The following URB1 variants were observed in gnomAD, a reference collection of about 807,000 sequenced individuals.
URB1 encodes the protein URB1 ribosome biogenesis factor.
URB1 carries 197 observed loss-of-function variants against 242.3 expected under a neutral mutation model. The observed-to-expected ratio is 0.81, with a 90% CI of 0.72 to 0.91. The LOEUF (loss-of-function observed/expected upper bound fraction) is 0.91. Among genes scored for constraint, URB1 ranks in the 40% least tolerant of loss-of-function variants. The probability of loss-of-function intolerance (pLI) is 0.00; values close to 1 mark genes in which losing one functional copy is unlikely to be tolerated. For missense variants in URB1, 2,721 were observed against 2,860.5 expected (o/e 0.95, Z 1.11); for synonymous variants, 1,153 against 1,201.8 (o/e 0.96, Z 0.84).
intron 4 of URB1, 92 bp downstream of exon 4, chr21:32,383,330 G>C (rs2033547228): frequency 7.1e-7 from 1 of 1,400,176 alleles, no homozygotes. Context: ...TCATCTGTGT[G>C]GGGATCAGGG....
intron 18 of URB1, 149 bp downstream of exon 18, chr21:32,353,784 T>C (rs1434535739): frequency 2.1e-6 from 2 of 947,576 alleles, no homozygotes; most frequent in Non-Finnish European, 3.0e-6. Context: ...CTAGCTCTGC[T>C]GGCTGGGTAG....
intron 7 of URB1, 43 bp from the exon 8 acceptor site, chr21:32,372,674 T>C: frequency 8.5e-6 from 13 of 1,529,640 alleles, no homozygotes; most frequent in Non-Finnish European, 1.1e-5. Context: ...CCCAAGCTCA[T>C]ACACTTTAGT....
At chr21:32,354,224 G>A in intron 17 of URB1, 121 bp from the exon 18 acceptor site, 1 of 1,128,354 alleles carries the variant, frequency 8.9e-7, no homozygotes, top group Non-Finnish European at 1.2e-6. Context: ...TTCCTCTTGG[G>A]GGGAGCATTT....
At chr21:32,348,070 G>T (rs2033114384) in intron 21 of URB1, among the ~76,000 whole-genome samples, 1 of 152,220 alleles carries the variant, frequency 6.6e-6, no homozygotes, top group Admixed American at 6.5e-5. Flanking sequence ...GGACTGGACT[G>T]TGACCTGGCT....
intron 15 of URB1, among the ~76,000 whole-genome samples, chr21:32,356,996 C>T (rs2123593109): frequency 6.6e-6 from 1 of 152,346 alleles, no homozygotes; most frequent in Middle Eastern, 3.4e-3. Context: ...GGTCAAACCT[C>T]TGTACCCTAA....
chr21:32,349,981 G>A (rs1324540045), intron 20 of URB1, among the ~76,000 whole-genome samples: 1 of 152,102 alleles, frequency 6.6e-6, no homozygotes. Flanking sequence ...TGTTATCCCA[G>A]CTACTAGGGA....
At chr21:32,324,086 T>C (rs1432892796) in intron 32 of URB1, among the ~76,000 whole-genome samples, 1 of 152,216 alleles carries the variant, frequency 6.6e-6, no homozygotes, top group Middle Eastern at 3.2e-3. Context: ...CGTCTGGCTG[T>C]GTCCACGCTT....
intron 10 of URB1, 146 bp from the exon 11 acceptor site, chr21:32,363,475 C>G: frequency 2.0e-6 from 2 of 975,928 alleles, no homozygotes; most frequent in Non-Finnish European, 2.9e-6. Flanking sequence ...TGAGAAGAGG[C>G]GACCTGGGTA....
chr21:32,312,096 G>C lies in URB1; in HGVS notation c.*2822C>G, dbSNP rs1179203406. The C allele has an allele frequency of 4.4e-6, 7 of 1,587,322 alleles. No individual in the cohort carries two copies. The highest frequency in any genetic ancestry group is 6.0e-6 in the Non-Finnish European group (7 of 1,173,232). On this transcript the variant is annotated 3_prime_UTR_variant, in exon 39 of 39. Coordinates refer to ENST00000382751, the MANE Select transcript of URB1 (RefSeq NM_014825.3). ...TCTTAGAGGCCATTTGCATGTAGCA[G>C]AAAGGGCACCTAGGTCAAGTGCAAC...
chr21:32,375,172 A>G (rs2033445434), intron 6 of URB1, among the ~76,000 whole-genome samples: 1 of 152,236 alleles, frequency 6.6e-6, no homozygotes, highest in Admixed American at 6.5e-5. Context: ...AACAGCAGCC[A>G]TGTCTGGACA....
intron 15 of URB1, among the ~76,000 whole-genome samples, chr21:32,355,995 T>G (rs2033216182): frequency 6.6e-6 from 1 of 152,148 alleles, no homozygotes; most frequent in African/African-American, 2.4e-5. Flanking sequence ...GGGGTGAAAG[T>G]TTCATCCCAT....
rs1227662232 is a variant in URB1, at chr21:32,354,981, A to T, written c.2123T>A (p.Val708Glu). ...GTCTGTGTATGAATAGGGATTCGCCACCAATGTCAATAAAATCTGGGCATT... is the reference window on the plus strand; with the variant it reads ...GTCTGTGTATGAATAGGGATTCGCCTCCAATGTCAATAAAATCTGGGCATT... Reference protein sequence around the residue: ...QFLERILLTLVANPYSYTDKA... With the variant: ...QFLERILLTLEANPYSYTDKA... The change falls in exon 17 of 39, where the codon GTG becomes GAG. Residue 708 changes from valine to glutamate, a missense_variant. By Grantham distance (121) the Val-to-Glu change is moderately radical. Transcript: ENST00000382751. The T allele has an allele frequency of 6.1e-5, 95 of 1,550,048 alleles. No homozygotes were observed. Among genetic ancestry groups the T allele is most frequent in the Non-Finnish European group, 7.9e-5 (91 of 1,145,564 alleles).
chr21:32,376,250 T>C (rs1279378818), intron 5 of URB1, among the ~76,000 whole-genome samples: 2 of 152,192 alleles, frequency 1.3e-5, no homozygotes, highest in African/African-American at 4.8e-5. Flanking sequence ...ACTTTTTGCT[T>C]TCTCTTCCTA....
chr21:32,390,693 C>T (rs766158256), intron 1 of URB1, among the ~76,000 whole-genome samples: 65 of 152,020 alleles, frequency 4.3e-4, no homozygotes, highest in Non-Finnish European at 7.4e-4. Flanking sequence ...ATTAGAATGG[C>T]GATCATTAAA....
In URB1 at chr21:32,338,835, G is replaced by A. The variant is rs1186275083; in HGVS notation, c.4382C>T (p.Pro1461Leu). 6.4e-7 allele frequency: 1 copy of A among 1,551,698 alleles called. No individual in the cohort carries two copies. Residue 1461 changes from proline (P) to leucine (L), a missense_variant, in exon 26 of 39, where the codon CCA (proline) becomes CTA (leucine). Coordinates refer to ENST00000382751, the MANE Select transcript of URB1 (RefSeq NM_014825.3). ...LLTAVQLLYS[P>L]ESSVRTKLIQ... ...GAGCTTCGTGCGCACGGAGCTTTCT[G>A]GGCTGTACAGGAGCTGTACGGCGGT...
At chr21:32,347,946 C>T (rs2033112694) in intron 21 of URB1, 135 bp from the exon 22 acceptor site, 1 of 1,366,114 alleles carries the variant, frequency 7.3e-7, no homozygotes, top group Non-Finnish European at 9.6e-7. Flanking sequence ...ATTCCATCCT[C>T]AAGCCTACAT....
chr21:32,332,475 G>A (rs867746170), intron 30 of URB1, among the ~76,000 whole-genome samples: 14 of 680 alleles, frequency 0.021, no homozygotes, highest in Admixed American at 0.048. Context: ...AAAAAAGAAA[G>A]ACAAAAAAAA....
intron 26 of URB1, among the ~76,000 whole-genome samples, chr21:32,338,072 C>T (rs776373906): frequency 6.6e-6 from 1 of 152,126 alleles, no homozygotes; most frequent in African/African-American, 2.4e-5. Context: ...TGGCTGTCTT[C>T]GACTTATTAA....
chr21:32,372,444 A>G, intron 8 of URB1, 63 bp downstream of exon 8: 2 of 1,511,466 alleles, frequency 1.3e-6, no homozygotes, highest in Non-Finnish European at 1.8e-6. Context: ...CTAGACACTC[A>G]CATATGTGGT....
Sources: gnomAD v4.1 joint callset for allele counts (sites outside exome capture counted in the v4.1 genomes callset) on GRCh38, gnomAD v4.1.1 for gene constraint, MANE v1.5 for transcripts, NCBI Gene and HGNC (gene_info 2026-07-23, HGNC 2026-07-21) for gene names.